The following CPAMD8 variants were observed in gnomAD, a reference collection of about 807,000 sequenced individuals.
CPAMD8 encodes C3 and PZP-like alpha-2-macroglobulin domain-containing protein 8.
Under a neutral mutation model 224.7 loss-of-function variants are expected in CPAMD8, and 146 were observed. The ratio of observed to expected loss-of-function variants is 0.65; its 90% CI spans 0.57 to 0.75. The LOEUF is 0.75. Among genes scored for constraint, CPAMD8 ranks in the 30% least tolerant of loss-of-function variants. The pLI is 0.00. For missense variants in CPAMD8, 2,301 were observed against 2,537.5 expected, an observed-to-expected ratio of 0.91 and a Z score of 2.00; for synonymous variants, 966 against 1,044.6, an observed-to-expected ratio of 0.92 and a Z score of 1.45.
chr19:16,993,702 C>T, intron 11 of CPAMD8, 116 bp from the exon 12 acceptor site: 1 of 931,842 alleles, frequency 1.1e-6, no homozygotes, highest in South Asian at 1.7e-5. Flanking sequence ...TAGAAATTGA[C>T]AAACTGCTCC....
At chr19:17,012,069 G>A (rs1027959482) in intron 3 of CPAMD8, among the ~76,000 whole-genome samples, 1 of 151,624 alleles carries the variant, frequency 6.6e-6, no homozygotes, top group Non-Finnish European at 1.5e-5. Context: ...GCCCAGGCTG[G>A]AGTGTAGTGG....
At chr19:17,004,424 C>G in intron 7 of CPAMD8, 38 bp from the exon 8 acceptor site, 2 of 1,360,684 alleles carry the variant, frequency 1.5e-6, no homozygotes, top group Non-Finnish European at 2.1e-6. Context: ...TTTCAGAGAG[C>G]CACAGACACG....
At chr19:16,989,434 G>C (rs1244718072) in intron 13 of CPAMD8, among the ~76,000 whole-genome samples, 1 of 152,012 alleles carries the variant, frequency 6.6e-6, no homozygotes, top group Non-Finnish European at 1.5e-5. Context: ...TTACAGGCAC[G>C]CACCACCACA....
intron 1 of CPAMD8, 97 bp from the exon 2 acceptor site, chr19:17,022,278 G>A: frequency 7.3e-7 from 1 of 1,377,854 alleles, no homozygotes; most frequent in East Asian, 2.5e-5. Flanking sequence ...GCAGACTCCT[G>A]CCTTTTGCTG....
intron 10 of CPAMD8, among the ~76,000 whole-genome samples, chr19:16,998,692 T>A (rs557257810): frequency 7.2e-4 from 109 of 152,206 alleles, no homozygotes; most frequent in African/African-American, 2.5e-3. Context: ...TGTAACATTA[T>A]GCTGAAAGAC....
At chr19:16,956,900 T>G (rs1240850076) in intron 19 of CPAMD8, among the ~76,000 whole-genome samples, 4 of 151,922 alleles carry the variant, frequency 2.6e-5, no homozygotes, top group Non-Finnish European at 5.9e-5. Flanking sequence ...TCTCCTGATC[T>G]CGTGATCCAC....
intron 27 of CPAMD8, among the ~76,000 whole-genome samples, chr19:16,915,254 A>C (rs985346991): frequency 1.3e-5 from 2 of 152,106 alleles, no homozygotes; most frequent in South Asian, 4.1e-4. Flanking sequence ...CTGTGGTCCC[A>C]GCCAGCCAGT....
intron 2 of CPAMD8, 34 bp from the exon 3 acceptor site, chr19:17,020,387 C>G (rs749604493): frequency 2.0e-6 from 3 of 1,526,554 alleles, no homozygotes; most frequent in Admixed American, 3.4e-5. Context: ...AAAGTTAAAT[C>G]AAGAGCTGTG....
chr19:16,997,622 G>A (rs996448672), intron 10 of CPAMD8, among the ~76,000 whole-genome samples: 5 of 152,066 alleles, frequency 3.3e-5, no homozygotes, highest in South Asian at 2.1e-4. Flanking sequence ...AGGCTGTGGC[G>A]GGCGGGTCAC....
At chr19:16,951,144 G>A (rs1040184165) in intron 20 of CPAMD8, among the ~76,000 whole-genome samples, 6 of 152,074 alleles carry the variant, frequency 3.9e-5, no homozygotes, top group Non-Finnish European at 5.9e-5. Context: ...AACGCCCAGC[G>A]AGGCTCCGAC....
chr19:16,914,339 A>G, intron 29 of CPAMD8, 85 bp downstream of exon 29: 1 of 1,116,224 alleles, frequency 9.0e-7, no homozygotes, highest in Admixed American at 1.8e-5. Context: ...GGAGGAAGAA[A>G]TCACCCCTGG....
intron 27 of CPAMD8, among the ~76,000 whole-genome samples, chr19:16,920,464 A>G (rs1303775029): frequency 2.0e-5 from 3 of 152,060 alleles, no homozygotes; most frequent in African/African-American, 7.2e-5. Context: ...TGGGTGACAG[A>G]GCGAGACTCC....
At chr19:16,991,945 C>G (rs919710924) in intron 12 of CPAMD8, among the ~76,000 whole-genome samples, 2 of 152,110 alleles carry the variant, frequency 1.3e-5, no homozygotes, top group African/African-American at 4.8e-5. Flanking sequence ...AGCGTGAACC[C>G]ATCTGGCTGT....
At chr19:16,903,987 G>C (rs2052367576) in intron 32 of CPAMD8, 130 bp from the exon 33 acceptor site, 1 of 985,552 alleles carries the variant, frequency 1.0e-6, no homozygotes, top group Non-Finnish European at 1.5e-6. Flanking sequence ...ACCCAGTGCA[G>C]ACACCCATGG....
At chr19:16,904,176 A>AGCGCCCCCCCCCCCCCC in intron 32 of CPAMD8, 50 bp downstream of exon 32, 1 of 937,338 alleles carries the variant, frequency 1.1e-6, no homozygotes, top group Non-Finnish European at 1.7e-6. Context: ...GACTGCAGGG[A>AGCGCCCCCCCCCCCCCC]CCCCACCCAC....
At position 17,004,384 on chromosome 19, in the gene CPAMD8, T is replaced by G. The variant is rs777237068; in HGVS notation, c.562A>C (p.Ile188Leu). The G allele has an allele frequency of 6.2e-7, 1 of 1,607,654 alleles. No homozygotes were observed. The change falls in exon 8 of 42, where the codon ATC becomes CTC. Residue 188 changes from isoleucine (I) to leucine (L), a missense_variant and splice_region_variant. By Grantham distance (5) the Ile-to-Leu change is conservative. Transcript: ENST00000443236. ...GACAAGGGGAAGCTCATGTTGGTGA[T>G]GCCTGTGTGAAGAGAGAGGGCAAGG... ...WRHLKPFCCG[I>L]TNMSFPLSDQ...
At chr19:16,938,119 A>G (rs1422150324) in intron 23 of CPAMD8, among the ~76,000 whole-genome samples, 1 of 151,970 alleles carries the variant, frequency 6.6e-6, no homozygotes, top group African/African-American at 2.4e-5. Flanking sequence ...CCTGCAGTGC[A>G]CATTCCTGTG....
chr19:16,966,189 G>A (rs1294905935), intron 18 of CPAMD8, among the ~76,000 whole-genome samples: 2 of 151,972 alleles, frequency 1.3e-5, no homozygotes, highest in Non-Finnish European at 2.9e-5. Context: ...ATAACACCAC[G>A]CATCTACAAC....
At chr19:16,967,885 A>T (rs2054892389) in intron 18 of CPAMD8, among the ~76,000 whole-genome samples, 1 of 88,358 alleles carries the variant, frequency 1.1e-5, no homozygotes, top group Non-Finnish European at 2.4e-5. Context: ...GCATATATAC[A>T]CACACATGTG....
Sources: gnomAD v4.1 joint callset for allele counts (sites outside exome capture counted in the v4.1 genomes callset) on GRCh38, gnomAD v4.1.1 for gene constraint, MANE v1.5 for transcripts, NCBI Gene and HGNC (gene_info 2026-07-23, HGNC 2026-07-21) for gene names.